Variants in NLGN1 observed in about 807,000 individuals in gnomAD.
The protein encoded by NLGN1 is neuroligin 1.
Under a neutral mutation model 65.5 loss-of-function variants are expected in NLGN1, and 12 were observed. The observed-to-expected ratio is 0.18, with a 90% CI of 0.12 to 0.30. NLGN1 has a LOEUF of 0.30. Among genes scored for constraint, NLGN1 ranks in the 10% least tolerant of loss-of-function variants. NLGN1 has a pLI of 1.00. For synonymous variants in NLGN1, 350 were observed against 359.5 expected, an observed-to-expected ratio of 0.97 and a Z score of 0.30; for missense variants, 750 against 1,007.1, an observed-to-expected ratio of 0.74 and a Z score of 3.46.
intron 3 of NLGN1, among the ~76,000 whole-genome samples, chr3:173,784,620 GGAGA>G (rs1362258234): frequency 6.6e-6 from 1 of 152,024 alleles, no homozygotes; most frequent in Non-Finnish European, 1.5e-5. Flanking sequence ...AACAGAGAGA[GGAGA>G]GAGAGACAGA....
chr3:174,169,140 G>T (rs1402551191), intron 4 of NLGN1, among the ~76,000 whole-genome samples: 1 of 151,594 alleles, frequency 6.6e-6, no homozygotes, highest in African/African-American at 2.4e-5. Context: ...TCAGGCTGTT[G>T]GACCAAGCAA....
rs542956945 is a variant in NLGN1, at chr3:173,851,648, T to A, written c.646+43816T>A. Among the ~76,000 whole-genome samples, 4 of 152,312 alleles carry A rather than the reference T, an allele frequency of 2.6e-5. No individual in the cohort carries two copies. The South Asian group carries it at 8.3e-4, about 32-fold the overall frequency. On this transcript the variant is annotated intron_variant, in intron 4 of 6. Transcript: ENST00000457714. ...AGGACCAGACCCCGGTTTCTTTTGA[T>A]AATATTATCCCCTTGACCTTCTTGG...
At chr3:173,406,175 A>C (rs527422) in intron 1 of NLGN1, among the ~76,000 whole-genome samples, 91,596 of 151,750 alleles carry the variant, frequency 0.6, 28,133 homozygotes, top group African/African-American at 0.71. Context: ...AGGAACTCTT[A>C]TCCTCAAATA....
chr3:173,424,711 C>G (rs1715777585), intron 1 of NLGN1, among the ~76,000 whole-genome samples: 1 of 152,146 alleles, frequency 6.6e-6, no homozygotes, highest in Admixed American at 6.5e-5. Flanking sequence ...CTTCTGAGAC[C>G]ACCTCAGCCT....
chr3:174,209,776 G>A (rs577972542), intron 4 of NLGN1, among the ~76,000 whole-genome samples: 11 of 151,550 alleles, frequency 7.3e-5, no homozygotes, highest in Non-Finnish European at 1.3e-4. Context: ...GGGGTTACTG[G>A]CACCCACCAC....
At chr3:174,211,607 A>G (rs1736550842) in intron 4 of NLGN1, among the ~76,000 whole-genome samples, 1 of 151,584 alleles carries the variant, frequency 6.6e-6, no homozygotes, top group East Asian at 2.0e-4. Context: ...GAGCAGCTAG[A>G]TACAGAGTGT....
intron 3 of NLGN1, chr3:173,800,488 C>A: frequency 4.8e-6 from 1 of 207,918 alleles, no homozygotes; most frequent in Non-Finnish European, 9.7e-6. Context: ...TGTCTTCTTG[C>A]TTGTTGTTAC....
chr3:174,190,168 CATAGTGAATA>C (rs1732128858), intron 4 of NLGN1, among the ~76,000 whole-genome samples: 1 of 151,998 alleles, frequency 6.6e-6, no homozygotes, highest in Non-Finnish European at 1.5e-5. Context: ...ATTTAAGTAG[CATAGTGAATA>C]AGAGTTTTAG....
chr3:173,625,849 T>C (rs1754743129), intron 3 of NLGN1, among the ~76,000 whole-genome samples: 1 of 152,092 alleles, frequency 6.6e-6, no homozygotes, highest in Admixed American at 6.6e-5. Flanking sequence ...ATTTCCAGTT[T>C]GAAGAGCTCA....
At chr3:174,125,359 G>A (rs1718709744) in intron 4 of NLGN1, among the ~76,000 whole-genome samples, 3 of 152,084 alleles carry the variant, frequency 2.0e-5, no homozygotes, top group Admixed American at 2.0e-4. Flanking sequence ...TTAAGAGGAA[G>A]TCATAAAAAG....
chr3:173,742,799 T>C (rs1266884171), intron 3 of NLGN1, among the ~76,000 whole-genome samples: 3 of 152,156 alleles, frequency 2.0e-5, no homozygotes, highest in Admixed American at 6.6e-5. Flanking sequence ...CCCTGGTTTT[T>C]TCATATTAGT....
At chr3:174,146,093 T>TTCCTTCC (rs1723180323) in intron 4 of NLGN1, among the ~76,000 whole-genome samples, 2 of 125,088 alleles carry the variant, frequency 1.6e-5, no homozygotes, top group East Asian at 5.4e-4. Context: ...ATTCTACTCT[T>TTCCTTCC]TTCCTTCCTT....
chr3:174,037,025 A>G (rs1049531819), intron 4 of NLGN1, among the ~76,000 whole-genome samples: 1 of 152,158 alleles, frequency 6.6e-6, no homozygotes, highest in African/African-American at 2.4e-5. Context: ...GGTTAATTCC[A>G]TATCTTTGCT....
At chr3:173,426,956 C>T (rs55715143) in intron 1 of NLGN1, among the ~76,000 whole-genome samples, 4,391 of 152,018 alleles carry the variant, frequency 0.029, 208 homozygotes, top group African/African-American at 0.1. Flanking sequence ...TATCTGGTTA[C>T]GGACTTTCTT....
intron 2 of NLGN1, among the ~76,000 whole-genome samples, chr3:173,532,082 G>A (rs146704675): frequency 7.7e-4 from 117 of 151,998 alleles, no homozygotes; most frequent in Middle Eastern, 3.4e-3. Flanking sequence ...TCATGAATTC[G>A]CCAAAGCTAT....
Position 173,574,442 on chromosome 3 carries a change from T to C in NLGN1, c.-320-29837T>C, listed in dbSNP as rs184473826. Among the ~76,000 whole-genome samples, 32 of 152,102 alleles carry C rather than the reference T, an allele frequency of 2.1e-4. No homozygotes were observed. In the East Asian group the frequency reaches 6.0e-3, roughly 28 times the overall value. On this transcript the variant is annotated intron_variant, in intron 2 of 6. Coordinates refer to ENST00000457714, the Ensembl canonical transcript of NLGN1. ...GACTAAATTGAATTAAAATTCAATT[T>C]AAAATTTTATATTTAAATAATTTAA...
intron 2 of NLGN1, among the ~76,000 whole-genome samples, chr3:173,443,012 A>G (rs879538752): frequency 1.4e-4 from 22 of 152,192 alleles, no homozygotes; most frequent in South Asian, 4.1e-4. Context: ...ATAATAGAAC[A>G]CTTGTGTCAG....
At chr3:173,412,504 A>G (rs766445476) in intron 1 of NLGN1, among the ~76,000 whole-genome samples, 1 of 151,256 alleles carries the variant, frequency 6.6e-6, no homozygotes, top group African/African-American at 2.4e-5. Context: ...TAGCACACTG[A>G]CCTTTTTTTT....
chr3:174,254,255 C>T (rs552812244), intron 4 of NLGN1, among the ~76,000 whole-genome samples: 1 of 149,430 alleles, frequency 6.7e-6, no homozygotes, highest in South Asian at 2.1e-4. Context: ...GGTTCGCAAA[C>T]TTGTCTCTTA....
Sources: allele counts gnomAD v4.1 joint callset (sites outside exome capture counted in the v4.1 genomes callset), GRCh38; gene constraint gnomAD v4.1.1; transcripts MANE v1.5; gene names NCBI Gene and HGNC (gene_info 2026-07-23, HGNC 2026-07-21).